The following DPYD variants were observed in gnomAD, a reference collection of about 807,000 sequenced individuals.
DPYD encodes the protein dihydropyrimidine dehydrogenase [NADP(+)].
Under a neutral mutation model 116.2 loss-of-function variants are expected in DPYD, and 109 were observed. That is an observed-to-expected ratio of 0.94 (90% CI 0.80 to 1.10). The LOEUF (loss-of-function observed/expected upper bound fraction) is 1.10. Among genes scored for constraint, DPYD ranks in the 50% least tolerant of loss-of-function variants. DPYD has a pLI of 0.00. For synonymous variants in DPYD, 440 were observed against 432.0 expected (o/e 1.02, Z -0.23); for missense variants, 1,302 against 1,254.5 (o/e 1.04, Z -0.57).
chr1:97,230,179 C>T (rs1661489936), intron 19 of DPYD, among the ~76,000 whole-genome samples: 3 of 152,170 alleles, frequency 2.0e-5, no homozygotes, highest in Non-Finnish European at 2.9e-5. Flanking sequence ...AAGACACATG[C>T]ATATGTATGT....
intron 14 of DPYD, among the ~76,000 whole-genome samples, chr1:97,392,683 C>A (rs1394089190): frequency 2.0e-5 from 3 of 151,992 alleles, no homozygotes; most frequent in African/African-American, 7.2e-5. Flanking sequence ...GCATCTTCAC[C>A]AGGAGTAGAT....
At chr1:97,498,384 T>C (rs1404654066) in intron 13 of DPYD, among the ~76,000 whole-genome samples, 1 of 151,776 alleles carries the variant, frequency 6.6e-6, no homozygotes, top group Non-Finnish European at 1.5e-5. Flanking sequence ...ATTTTCGTAT[T>C]CTGAATTTTT....
chr1:97,114,902 A>G (rs1219510268), intron 20 of DPYD, among the ~76,000 whole-genome samples: 2 of 152,230 alleles, frequency 1.3e-5, no homozygotes, highest in Non-Finnish European at 2.9e-5. Context: ...CTTCCACTTC[A>G]GAGCCATTGT....
chr1:97,822,388 T>C (rs968742638), intron 3 of DPYD, among the ~76,000 whole-genome samples: 3 of 144,056 alleles, frequency 2.1e-5, no homozygotes, highest in Non-Finnish European at 3.1e-5. Flanking sequence ...AATATGAATA[T>C]ATAAATAATA....
chr1:97,895,612 T>C (rs1259389396), intron 1 of DPYD, among the ~76,000 whole-genome samples: 1 of 151,718 alleles, frequency 6.6e-6, no homozygotes, highest in Non-Finnish European at 1.5e-5. Flanking sequence ...CTGGATTTTA[T>C]TAATTGAAGG....
At chr1:97,556,675 A>G (rs1651746473) in intron 11 of DPYD, among the ~76,000 whole-genome samples, 2 of 150,700 alleles carry the variant, frequency 1.3e-5, no homozygotes, top group Admixed American at 6.6e-5. Context: ...TCCCTACAAA[A>G]GACATGAACT....
intron 3 of DPYD, among the ~76,000 whole-genome samples, chr1:97,748,128 G>A (rs897334708): frequency 6.6e-6 from 1 of 152,012 alleles, no homozygotes; most frequent in Non-Finnish European, 1.5e-5. Flanking sequence ...TATGCTTTAA[G>A]GGTTCATTTT....
At chr1:97,553,688 G>C (rs930998107) in intron 11 of DPYD, among the ~76,000 whole-genome samples, 1 of 151,862 alleles carries the variant, frequency 6.6e-6, no homozygotes, top group Non-Finnish European at 1.5e-5. Context: ...AAAACGGGGG[G>C]GATTTTCTGT....
intron 16 of DPYD, among the ~76,000 whole-genome samples, chr1:97,350,529 G>C (rs1670085644): frequency 6.6e-6 from 1 of 152,072 alleles, no homozygotes; most frequent in Non-Finnish European, 1.5e-5. Flanking sequence ...AAAAGTTTAG[G>C]TTACAGGGGT....
At chr1:97,676,667 G>A (rs151279788) in intron 8 of DPYD, among the ~76,000 whole-genome samples, 3 of 152,266 alleles carry the variant, frequency 2.0e-5, no homozygotes, top group African/African-American at 7.2e-5. Context: ...CAAGGTTAAT[G>A]AACAAAAACA....
At chr1:97,339,460 T>A (rs910695417) in intron 16 of DPYD, among the ~76,000 whole-genome samples, 2 of 152,196 alleles carry the variant, frequency 1.3e-5, no homozygotes, top group Admixed American at 6.5e-5. Context: ...AAAGAAAGAT[T>A]ATGCGACTAT....
chr1:97,529,760 CTT>C (rs1180768238), intron 12 of DPYD, among the ~76,000 whole-genome samples: 4 of 117,958 alleles, frequency 3.4e-5, no homozygotes, highest in African/African-American at 1.0e-4. Context: ...TCCTTTCTTT[CTT>C]TCTCTTTCTT....
At chr1:97,581,234 G>A (rs1341387667) in intron 10 of DPYD, among the ~76,000 whole-genome samples, 1 of 149,448 alleles carries the variant, frequency 6.7e-6, no homozygotes, top group Non-Finnish European at 1.5e-5. Flanking sequence ...TGCTGAGGCA[G>A]GAGAATGGCA....
intron 14 of DPYD, among the ~76,000 whole-genome samples, chr1:97,402,668 G>C (rs1673439088): frequency 6.6e-6 from 1 of 152,014 alleles, no homozygotes; most frequent in South Asian, 2.1e-4. Context: ...TGGTGAAAGG[G>C]GAAATCCTTG....
chr1:97,263,912 T>C (rs975538714), intron 18 of DPYD, among the ~76,000 whole-genome samples: 1 of 152,058 alleles, frequency 6.6e-6, no homozygotes, highest in Non-Finnish European at 1.5e-5. Flanking sequence ...ATTGAAAAAT[T>C]ACCCCCTTCA....
chr1:97,734,001 T>C (rs1013957699), intron 4 of DPYD, among the ~76,000 whole-genome samples: 9 of 152,114 alleles, frequency 5.9e-5, no homozygotes, highest in African/African-American at 1.9e-4. Context: ...ATATAAATTT[T>C]CAGGAGCTCT....
At chr1:97,749,047 G>A (rs1016406129) in intron 3 of DPYD, among the ~76,000 whole-genome samples, 4 of 152,124 alleles carry the variant, frequency 2.6e-5, no homozygotes, top group East Asian at 3.9e-4. Flanking sequence ...GACAAAAGAC[G>A]CTTTCCTTTA....
intron 8 of DPYD, among the ~76,000 whole-genome samples, chr1:97,601,343 A>C (rs1557829710): frequency 6.6e-6 from 1 of 152,116 alleles, no homozygotes; most frequent in African/African-American, 2.4e-5. Context: ...AAAGGCTTAC[A>C]TGATAAAGAG....
At chr1:97,156,338 A>C (rs1296958786) in intron 20 of DPYD, among the ~76,000 whole-genome samples, 1 of 152,074 alleles carries the variant, frequency 6.6e-6, no homozygotes, top group Non-Finnish European at 1.5e-5. Context: ...CAACCTACAA[A>C]ATGGGAGAAA....
Sources: allele counts gnomAD v4.1 joint callset (sites outside exome capture counted in the v4.1 genomes callset), GRCh38; gene constraint gnomAD v4.1.1; transcripts MANE v1.5; gene names NCBI Gene and HGNC (gene_info 2026-07-23, HGNC 2026-07-21).